LRRC70: variants seen among roughly 807,000 people sequenced by gnomAD.
The protein encoded by LRRC70 is leucine-rich repeat-containing protein 70.
LRRC70 carries 31 observed loss-of-function variants against 42.4 expected under a neutral mutation model. The ratio of observed to expected loss-of-function variants is 0.73; its 90% CI spans 0.55 to 0.99. LRRC70 has a LOEUF of 0.99. Ranked by LOEUF, LRRC70 falls within the 50% of genes least tolerant of loss-of-function variation. The pLI is 0.00. For synonymous variants in LRRC70, 270 were observed against 262.9 expected, an observed-to-expected ratio of 1.03 and a Z score of -0.26; for missense variants, 643 against 707.5, an observed-to-expected ratio of 0.91 and a Z score of 1.03.
In LRRC70 at chr5:62,579,888, A is replaced by G; in HGVS notation, c.450A>G (p.Gly150=). The change falls in exon 2 of 2, where the codon GGA becomes GGG. Residue 150 remains glycine, a synonymous_variant. Coordinates refer to ENST00000334994, the MANE Select transcript of LRRC70 (RefSeq NM_181506.5). ...ATCAGGTATCTTTTGTTCCGAGAGG[A>G]GTATTTAATGATCTAGTTTCAGTTC... is the stretch of plus-strand genomic sequence containing the variant. ...QYNQVSFVPR[G]VFNDLVSVQY... 6.4e-7 allele frequency: 1 copy of G among 1,550,830 alleles called. No individual in the cohort carries two copies. The highest frequency in any genetic ancestry group is 1.2e-5 in the South Asian group (1 of 84,046).
In LRRC70 at chr5:62,580,195, AATCTGGAAT is replaced by A; in HGVS notation, c.759_767del (p.Glu255_Leu257del). The stretch of plus-strand genomic sequence containing the variant: ...GCCCTTTGCATTTAAAGGACTTGCC[AATCTGGAAT>A]ACCTCCTCCTGAAAAATTCAAGAAT... On this transcript the variant is annotated inframe_deletion, in exon 2 of 2. Coordinates refer to ENST00000334994, the MANE Select transcript of LRRC70 (RefSeq NM_181506.5). 1 of 1,551,242 alleles carries A rather than the reference AATCTGGAAT, an allele frequency of 6.4e-7. No homozygotes were observed. The highest frequency in any genetic ancestry group is 8.7e-7 in the Non-Finnish European group (1 of 1,146,698).
In LRRC70 at chr5:62,579,588, C is replaced by A. The variant is rs907199434; in HGVS notation, c.150C>A (p.Gly50=). 12 of 1,550,930 alleles carry A rather than the reference C, an allele frequency of 7.7e-6. No homozygotes were observed. The East Asian group carries it at 2.0e-4, about 25-fold the overall frequency. Residue 50 remains glycine (G), a synonymous_variant, in exon 2 of 2, where the codon GGC becomes GGA. Transcript: ENST00000334994. The stretch of plus-strand genomic sequence containing the variant: ...GACAAATTAACTGCCGTAACTTAGG[C>A]CTTTCGAGTATTCCTAAGAATTTTC... ...TGRQINCRNL[G]LSSIPKNFPE...
In LRRC70 at chr5:62,580,135, C is replaced by CT; in HGVS notation, c.700dup (p.Ser234PhefsTer5). The CT allele has an allele frequency of 1.3e-6, 2 of 1,550,950 alleles. No homozygotes were observed. The highest frequency in any genetic ancestry group is 1.7e-6 in the Non-Finnish European group (2 of 1,146,458). On this transcript the variant is annotated frameshift_variant, in exon 2 of 2. Transcript: ENST00000334994. LOFTEE classifies it high-confidence loss of function. ...TGAAGTACTTAAAAGTCTTAGAAGA[C>CT]TTTCTTTGTCTCATAATCCTATTGA...
Position 62,578,833 on chromosome 5 carries a change from T to C in LRRC70, c.-141T>C, listed in dbSNP as rs1744424279. The C allele has an allele frequency of 2.5e-6, 1 of 402,366 alleles. No homozygotes were observed. The highest frequency in any genetic ancestry group is 4.9e-6 in the Non-Finnish European group (1 of 203,428). The allele number at this position is 402,366 out of a possible 1,614,324, so 24.9% of individuals were successfully genotyped here. On this transcript the variant is annotated 5_prime_UTR_variant, in exon 1 of 2. Transcript: ENST00000334994. ...AAAGTGGTGGGGTGGAGGTCAGCAG[T>C]GCCACAGAACAAACTGGAGTTAAGA...
Position 62,580,770 on chromosome 5 carries a change from G to A in LRRC70, c.1332G>A (p.Leu444=). Residue 444 remains leucine (L), a synonymous_variant, in exon 2 of 2, where the codon CTG becomes CTA. Coordinates refer to ENST00000334994, the MANE Select transcript of LRRC70 (RefSeq NM_181506.5). ...WHKVTTNGSP[L]ENTETENITF... ...AAGTAACCACAAATGGCAGTCCTCT[G>A]GAAAATACTGAGACTGAGAACATTA... 1 of 1,551,358 alleles carries A rather than the reference G, an allele frequency of 6.4e-7. No homozygotes were observed. Among genetic ancestry groups the A allele is most frequent in the Non-Finnish European group, 8.7e-7 (1 of 1,146,830 alleles).
At position 62,581,106 on chromosome 5, in the gene LRRC70, AAAGGCATCAGAAAACTC is replaced by A. The variant is rs1446288693; in HGVS notation, c.1673_1689del (p.Ala558GlyfsTer3). On this transcript the variant is annotated frameshift_variant, in exon 2 of 2. Transcript: ENST00000334994. LOFTEE classifies it high-confidence loss of function. ...AAGTTGTTCAGTTTAAACAAAAACT[AAAGGCATCAGAAAACTC>A]AAGGGAAAATAGACTTGAATACTAC... 6.5e-7 allele frequency: 1 copy of A among 1,549,500 alleles called. No individual in the cohort carries two copies. Among genetic ancestry groups the A allele is most frequent in the South Asian group, 1.2e-5 (1 of 83,448 alleles).
rs1356734908 is a variant in LRRC70 at position 62,580,232 on chromosome 5, G to A, written c.794G>A (p.Arg265Lys). Residue 265 changes from arginine (R) to lysine (K), a missense_variant, in exon 2 of 2, where the codon AGG becomes AAG. Arg to Lys is a conservative substitution (Grantham distance 26). Transcript: ENST00000334994. ...EYLLLKNSRI[R>K]NVTRDGFSGI... ...CTCCTCCTGAAAAATTCAAGAATTA[G>A]GAATGTTACTAGGGATGGGTTTAGT... The A allele has an allele frequency of 7.1e-6, 11 of 1,549,896 alleles. No homozygotes were observed. The highest frequency in any genetic ancestry group is 1.4e-5 in the African/African-American group (1 of 72,936).
At position 62,581,045 on chromosome 5, in the gene LRRC70, T is replaced by G; in HGVS notation, c.1607T>G (p.Ile536Ser). The change falls in exon 2 of 2, where the codon ATC (isoleucine) becomes AGC (serine). Residue 536 changes from isoleucine (I) to serine (S), a missense_variant. By Grantham distance (142) the Ile-to-Ser change is moderately radical. Transcript: ENST00000334994. ...TTTGACATTTTGCTAGCTTTTTTCA[T>G]CTTAGCTTGTGTTTTAATCATTTTT... Reference protein sequence around the residue: ...EAFDILLAFFILACVLIIFLI... With the variant: ...EAFDILLAFFSLACVLIIFLI... The G allele has an allele frequency of 6.4e-7, 1 of 1,550,938 alleles. No homozygotes were observed. Among genetic ancestry groups the G allele is most frequent in the South Asian group, 1.2e-5 (1 of 83,932 alleles).
rs1260103594 is a variant in LRRC70, at chr5:62,580,562, C to T, written c.1124C>T (p.Ala375Val). The T allele has an allele frequency of 1.9e-6, 3 of 1,551,438 alleles. No homozygotes were observed. Among genetic ancestry groups the T allele is most frequent in the Non-Finnish European group, 2.6e-6 (3 of 1,146,798 alleles). ...CTTTTGGGCCTTCGAGACTGGCTAG[C>T]ATCTTCAGCCATTACTCTAAACATC... is the stretch of plus-strand genomic sequence containing the variant. Reference protein sequence around the residue: ...CKLLGLRDWLASSAITLNIYC... With the variant: ...CKLLGLRDWLVSSAITLNIYC... Residue 375 changes from alanine (A) to valine (V), a missense_variant, in exon 2 of 2, where the codon GCA (alanine) becomes GTA (valine). By Grantham distance (64) the Ala-to-Val change is moderately conservative. Transcript: ENST00000334994.
In LRRC70 at chr5:62,580,690, G is replaced by T; in HGVS notation, c.1252G>T (p.Val418Leu). Residue 418 changes from valine (V) to leucine (L), a missense_variant, in exon 2 of 2, where the codon GTA becomes TTA. Transcript: ENST00000334994. ...SINVSRAWAV[V>L]KSPHIHHKTT... Reference sequence around the variant, plus strand: ...AAATGTATCCAGAGCTTGGGCTGTTGTAAAATCTCCTCATATTCATCACAA... The same window carrying T: ...AAATGTATCCAGAGCTTGGGCTGTTTTAAAATCTCCTCATATTCATCACAA... 4.5e-6 allele frequency: 7 copies of T among 1,551,428 alleles called. No homozygotes were observed. Among genetic ancestry groups the T allele is most frequent in the Non-Finnish European group, 6.1e-6 (7 of 1,146,820 alleles).
In LRRC70 at chr5:62,580,179, A is replaced by G; in HGVS notation, c.741A>G (p.Ala247=). The G allele has an allele frequency of 1.3e-6, 2 of 1,551,220 alleles. No individual in the cohort carries two copies. The highest frequency in any genetic ancestry group is 8.7e-7 in the Non-Finnish European group (1 of 1,146,702). Residue 247 remains alanine (A), a synonymous_variant, in exon 2 of 2, where the codon GCA becomes GCG. Coordinates refer to ENST00000334994, the MANE Select transcript of LRRC70 (RefSeq NM_181506.5). The part of the protein sequence containing the change: ...HNPIEAIQPF[A]FKGLANLEYL... ...CTATTGAAGCAATACAGCCCTTTGC[A>G]TTTAAAGGACTTGCCAATCTGGAAT... is the stretch of plus-strand genomic sequence containing the variant.
intron 1 of LRRC70, 128 bp from the exon 2 acceptor site, chr5:62,579,269 TACCA>T: frequency 3.0e-6 from 2 of 655,836 alleles, no homozygotes; most frequent in Admixed American, 2.8e-5. Context: ...TTTTTGCTAT[TACCA>T]TGGTATGATT....
At position 62,580,029 on chromosome 5, in the gene LRRC70, A is replaced by AC; in HGVS notation, c.591_592insC (p.Ser198LeufsTer7). 2 of 1,551,290 alleles carry AC rather than the reference A, an allele frequency of 1.3e-6. No individual in the cohort carries two copies. Among genetic ancestry groups the AC allele is most frequent in the Non-Finnish European group, 1.7e-6 (2 of 1,146,748 alleles). The stretch of plus-strand genomic sequence containing the variant: ...ACAATAACATTTTGAGGATATCAGA[A>AC]TCAGGCTTTCAACATCTTGAAAACC... On this transcript the variant is annotated frameshift_variant, in exon 2 of 2. Transcript: ENST00000334994. LOFTEE classifies it high-confidence loss of function.
Position 62,580,407 on chromosome 5 carries a change from G to A in LRRC70, c.969G>A (p.Met323Ile), listed in dbSNP as rs945993912. 14 of 1,550,898 alleles carry A rather than the reference G, an allele frequency of 9.0e-6. No homozygotes were observed. Among genetic ancestry groups the A allele is most frequent in the Non-Finnish European group, 1.1e-5 (13 of 1,146,508 alleles). Residue 323 changes from methionine to isoleucine, a missense_variant, in exon 2 of 2, where the codon ATG (methionine) becomes ATA (isoleucine). Met to Ile is a conservative substitution (Grantham distance 10). Coordinates refer to ENST00000334994, the MANE Select transcript of LRRC70 (RefSeq NM_181506.5). ...ISIDNDTFEN[M>I]GASLKILNLS... ...TTGATAATGATACATTTGAAAATATGGGAGCATCTTTGAAGATCCTTAATC... is the reference window on the plus strand; with the variant it reads ...TTGATAATGATACATTTGAAAATATAGGAGCATCTTTGAAGATCCTTAATC...
rs1486390060 is a variant in LRRC70 at position 62,579,437 on chromosome 5, A to T, written c.-2A>T. The T allele has an allele frequency of 3.2e-6, 5 of 1,550,596 alleles. No individual in the cohort carries two copies. The highest frequency in any genetic ancestry group is 4.4e-6 in the Non-Finnish European group (5 of 1,146,238). On this transcript the variant is annotated 5_prime_UTR_variant, in exon 2 of 2. Transcript: ENST00000334994. The stretch of plus-strand genomic sequence containing the variant: ...CTGAACAGAAAATCCAAGAACAGGG[A>T]TATGTGTGGATTACAGTTTTCTCTG...
rs180866265 is a variant in LRRC70 at position 62,580,604 on chromosome 5, C to T, written c.1166C>T (p.Pro389Leu). The change falls in exon 2 of 2, where the codon CCA (proline) becomes CTA (leucine). Residue 389 changes from proline (P) to leucine (L), a missense_variant. Physicochemically the swap from Pro to Leu is moderately conservative, Grantham distance 98. Coordinates refer to ENST00000334994, the MANE Select transcript of LRRC70 (RefSeq NM_181506.5). The part of the protein sequence containing the change: ...ITLNIYCQNP[P>L]SMRGRALRYI... ...CTAAACATCTATTGTCAGAATCCCC[C>T]ATCCATGCGTGGCAGAGCATTACGT... The T allele has an allele frequency of 6.4e-7, 1 of 1,551,468 alleles. No individual in the cohort carries two copies. Among genetic ancestry groups the T allele is most frequent in the Non-Finnish European group, 8.7e-7 (1 of 1,146,816 alleles).
In LRRC70 at chr5:62,578,855, A is replaced by T. The variant is rs1305318750; in HGVS notation, c.-119A>T. The T allele has an allele frequency of 3.0e-6, 1 of 328,816 alleles. No homozygotes were observed. Among genetic ancestry groups the T allele is most frequent in the Non-Finnish European group, 6.0e-6 (1 of 166,080 alleles). 20.4% of individuals were successfully genotyped at this position (328,816 alleles called of 1,614,324 possible). ...CAGTGCCACAGAACAAACTGGAGTT[A>T]AGAAATGTCGTTCTTCAGATTTAAA... On this transcript the variant is annotated 5_prime_UTR_variant, in exon 1 of 2. Coordinates refer to ENST00000334994, the MANE Select transcript of LRRC70 (RefSeq NM_181506.5).
At position 62,580,462 on chromosome 5, in the gene LRRC70, C is replaced by T; in HGVS notation, c.1024C>T (p.Pro342Ser). 6.4e-7 allele frequency: 1 copy of T among 1,551,362 alleles called. No individual in the cohort carries two copies. The highest frequency in any genetic ancestry group is 2.4e-5 in the East Asian group (1 of 40,918). ...ATTTAATAATCTTACAGCCTTGCAT[C>T]CAAGGGTCCTTAAGCCGTTGTCTTC... ...LSFNNLTALH[P>S]RVLKPLSSLI... The change falls in exon 2 of 2, where the codon CCA (proline) becomes TCA (serine). Residue 342 changes from proline (P) to serine (S), a missense_variant. Pro to Ser is a moderately conservative substitution (Grantham distance 74). Transcript: ENST00000334994.
Position 62,579,464 on chromosome 5 carries a change from C to T in LRRC70, c.26C>T (p.Pro9Leu), listed in dbSNP as rs1744456465. The change falls in exon 2 of 2, where the codon CCT becomes CTT. Residue 9 changes from proline to leucine, a missense_variant. Coordinates refer to ENST00000334994, the MANE Select transcript of LRRC70 (RefSeq NM_181506.5). MCGLQFSL[P>L]CLRLFLVVTC... The stretch of plus-strand genomic sequence containing the variant: ...ATGTGTGGATTACAGTTTTCTCTGC[C>T]TTGCCTACGACTGTTTCTGGTTGTT... The T allele has an allele frequency of 3.2e-6, 5 of 1,550,762 alleles. No homozygotes were observed. Among genetic ancestry groups the T allele is most frequent in the Non-Finnish European group, 4.4e-6 (5 of 1,146,410 alleles).
Sources: allele counts gnomAD v4.1 joint callset, GRCh38; gene constraint gnomAD v4.1.1; transcripts MANE v1.5; gene names NCBI Gene and HGNC (gene_info 2026-07-23, HGNC 2026-07-21).